Variants in WDR17 observed in about 807,000 individuals in gnomAD.
The protein encoded by WDR17 is WD repeat-containing protein 17.
Under a neutral mutation model 161.7 loss-of-function variants are expected in WDR17, and 143 were observed. The observed-to-expected ratio is 0.88, with a 90% CI of 0.77 to 1.02. WDR17 has a LOEUF of 1.02. WDR17 is among the 50% of genes least tolerant of loss of function. The pLI is 0.00. For synonymous variants in WDR17, 517 were observed against 515.6 expected, an observed-to-expected ratio of 1.00 and a Z score of -0.04; for missense variants, 1,469 against 1,520.9, an observed-to-expected ratio of 0.97 and a Z score of 0.57.
chr4:176,080,199 GT>G (rs1195418483), intron 1 of WDR17, among the ~76,000 whole-genome samples: 7 of 151,260 alleles, frequency 4.6e-5, no homozygotes, highest in Admixed American at 3.3e-4. Context: ...AACATCATAA[GT>G]TTTTTTTTAA....
At chr4:176,078,913 A>G (rs1734397920) in intron 1 of WDR17, among the ~76,000 whole-genome samples, 1 of 152,110 alleles carries the variant, frequency 6.6e-6, no homozygotes, top group African/African-American at 2.4e-5. Context: ...ATTTGAAAAT[A>G]TATAATAAAT....
intron 1 of WDR17, among the ~76,000 whole-genome samples, chr4:176,091,011 C>T (rs1418289507): frequency 6.6e-6 from 1 of 152,156 alleles, no homozygotes; most frequent in Non-Finnish European, 1.5e-5. Context: ...GTGTTCCTTG[C>T]CCTCATTCTG....
At position 176,182,293 on chromosome 4, in the gene WDR17, T is replaced by G. The variant is rs1388175982; in HGVS notation, c.*2714T>G. The G allele has an allele frequency of 6.6e-6, 1 of 151,826 alleles. No homozygotes were observed. Among genetic ancestry groups the G allele is most frequent in the Non-Finnish European group, 1.5e-5 (1 of 67,904 alleles). 9.4% of individuals were successfully genotyped at this position (151,826 alleles called of 1,614,324 possible). A position where few individuals can be genotyped will look rare whatever the true frequency, so the allele number is the denominator to read the frequency against. On this transcript the variant is annotated 3_prime_UTR_variant, in exon 29 of 29. Coordinates refer to ENST00000508596, the MANE Select transcript of WDR17 (RefSeq NM_181265.4). The surrounding 1 kb of genome is among the most constrained non-coding windows in gnomAD (Gnocchi z 4.2). ...TCACAAAATTACAACATCAAAATAG[T>G]TACATCTTGTGAAAATATATGATTT... is the stretch of plus-strand genomic sequence containing the variant.
At chr4:176,173,391 T>C (rs114302658) in intron 25 of WDR17, 22 bp downstream of exon 25, 24,582 of 1,477,632 alleles carry the variant, frequency 0.017, 240 homozygotes, top group African/African-American at 0.023. Flanking sequence ...TTCTGCAAAA[T>C]ATATAAGTGA....
At position 176,179,718 on chromosome 4, in the gene WDR17, A is replaced by G; in HGVS notation, c.*139A>G. 1.6e-6 allele frequency: 1 copy of G among 629,362 alleles called. No homozygotes were observed. The highest frequency in any genetic ancestry group is 2.3e-6 in the Non-Finnish European group (1 of 441,728). 39.0% of individuals were successfully genotyped at this position (629,362 alleles called of 1,614,324 possible). A position where few individuals can be genotyped will look rare whatever the true frequency, so the allele number is the denominator to read the frequency against. On this transcript the variant is annotated 3_prime_UTR_variant, in exon 29 of 29. Transcript: ENST00000508596. The stretch of plus-strand genomic sequence containing the variant: ...TGGGAGAGGTGGGAAATAGCAGTGA[A>G]TTTTAGTCATTAACTTCAAAATATA...
rs561683217 is a variant in WDR17, at chr4:176,155,695, C to A, written c.2461-384C>A. Among the ~76,000 whole-genome samples the A allele has an allele frequency of 3.7e-5, 5 of 135,376 alleles. No individual in the cohort carries two copies. In the South Asian group the frequency reaches 9.5e-4, roughly 26 times the overall value. 88.8% of individuals were successfully genotyped at this position (135,376 alleles called of 152,430 possible). A position where few individuals can be genotyped will look rare whatever the true frequency, so the allele number is the denominator to read the frequency against. ...AAGTAGCTAGAACTACAAGTGTGCA[C>A]CACCACATCTGACTAATTAAAATAT... On this transcript the variant is annotated intron_variant, in intron 17 of 28. Coordinates refer to ENST00000508596, the MANE Select transcript of WDR17 (RefSeq NM_181265.4).
intron 3 of WDR17, among the ~76,000 whole-genome samples, chr4:176,117,194 A>G (rs886617607): frequency 2.0e-5 from 3 of 152,044 alleles, no homozygotes. Context: ...GCTTTGTGAT[A>G]TATAAATTGT....
chr4:176,116,440 T>C (rs1740651791), intron 3 of WDR17, among the ~76,000 whole-genome samples: 1 of 151,648 alleles, frequency 6.6e-6, no homozygotes, highest in Admixed American at 6.6e-5. Context: ...CTCATTCACA[T>C]AAATTGGACT....
intron 22 of WDR17, among the ~76,000 whole-genome samples, chr4:176,164,098 G>A (rs1749431943): frequency 6.6e-6 from 1 of 152,094 alleles, no homozygotes. Flanking sequence ...ACCACAGGTG[G>A]TAATGATAAT....
intron 17 of WDR17, among the ~76,000 whole-genome samples, chr4:176,154,427 G>A (rs959077750): frequency 6.6e-6 from 1 of 152,130 alleles, no homozygotes. Flanking sequence ...GTTGCAGTGA[G>A]CCAAGATCAT....
intron 22 of WDR17, among the ~76,000 whole-genome samples, 166 bp downstream of exon 22, chr4:176,163,459 G>T (rs961616145): frequency 6.6e-6 from 1 of 152,158 alleles, no homozygotes; most frequent in Admixed American, 6.6e-5. Context: ...TCATAATGAT[G>T]AGAACTATCA....
At chr4:176,148,452 C>T in intron 13 of WDR17, 117 bp downstream of exon 13, 1 of 857,304 alleles carries the variant, frequency 1.2e-6, no homozygotes, top group Non-Finnish European at 1.8e-6. Context: ...TTTACAATAA[C>T]ATTTTTCACA....
intron 2 of WDR17, among the ~76,000 whole-genome samples, chr4:176,115,172 A>T (rs960246247): frequency 6.6e-6 from 1 of 152,088 alleles, no homozygotes; most frequent in African/African-American, 2.4e-5. Flanking sequence ...AAGGACATAA[A>T]TAACATATTC....
chr4:176,089,871 G>A (rs988844276), intron 1 of WDR17, among the ~76,000 whole-genome samples: 1 of 152,056 alleles, frequency 6.6e-6, no homozygotes, highest in Non-Finnish European at 1.5e-5. Flanking sequence ...CCTCCTCAGA[G>A]ACAAATGAGG....
rs962911082 is a variant in WDR17, at chr4:176,148,275, T to C, written c.1837T>C (p.Trp613Arg). Residue 613 changes from tryptophan (W) to arginine (R), a missense_variant, in exon 13 of 29, where the codon TGG becomes CGG. Coordinates refer to ENST00000508596, the MANE Select transcript of WDR17 (RefSeq NM_181265.4). ...SGSWDYTIKV[W>R]DTREGTCVDT... The stretch of plus-strand genomic sequence containing the variant: ...CAGCTGGGACTATACTATAAAAGTA[T>C]GGGACACTCGAGAAGGAACTTGTGT... 4 of 1,614,026 alleles carry C rather than the reference T, an allele frequency of 2.5e-6. No homozygotes were observed. Among genetic ancestry groups the C allele is most frequent in the Non-Finnish European group, 3.4e-6 (4 of 1,179,948 alleles).
chr4:176,149,134 A>G (rs1213630290), intron 13 of WDR17, among the ~76,000 whole-genome samples: 1 of 152,230 alleles, frequency 6.6e-6, no homozygotes, highest in Non-Finnish European at 1.5e-5. Flanking sequence ...ACTCACAGAT[A>G]CTATGTATGC....
intron 20 of WDR17, among the ~76,000 whole-genome samples, chr4:176,161,526 T>A (rs936566116): frequency 6.6e-6 from 1 of 152,064 alleles, no homozygotes; most frequent in African/African-American, 2.4e-5. Context: ...TAGTCTGCCT[T>A]CCCCCATCCT....
intron 1 of WDR17, among the ~76,000 whole-genome samples, chr4:176,071,051 A>G (rs1012223528): frequency 6.6e-6 from 1 of 152,006 alleles, no homozygotes; most frequent in East Asian, 1.9e-4. Flanking sequence ...CCAACTCACA[A>G]ACCAGGTTAA....
intron 1 of WDR17, among the ~76,000 whole-genome samples, chr4:176,090,256 T>TAA (rs202133700): frequency 1.4e-4 from 19 of 132,490 alleles, no homozygotes; most frequent in African/African-American, 3.9e-4. Context: ...CTGGTTGTTT[T>TAA]AAAAAAAAAA....
Sources: gnomAD v4.1 joint callset for allele counts (sites outside exome capture counted in the v4.1 genomes callset) on GRCh38, gnomAD v4.1.1 for gene constraint, Gnocchi (gnomAD v3.1) non-coding constraint, MANE v1.5 for transcripts, NCBI Gene and HGNC (gene_info 2026-07-23, HGNC 2026-07-21) for gene names.